ANLN: variants seen among roughly 807,000 people sequenced by gnomAD.
ANLN encodes the protein anillin.
A neutral mutation model predicts 135.1 loss-of-function variants in ANLN; 59 were observed. The ratio of observed to expected loss-of-function variants is 0.44; its 90% CI spans 0.35 to 0.54. ANLN has a LOEUF of 0.54. Ranked by LOEUF, ANLN falls within the 20% of genes least tolerant of loss-of-function variation. ANLN has a pLI of 0.00. For synonymous variants in ANLN, 406 were observed against 456.4 expected, an observed-to-expected ratio of 0.89 and a Z score of 1.41; for missense variants, 1,182 against 1,340.0, an observed-to-expected ratio of 0.88 and a Z score of 1.84.
In ANLN at chr7:36,425,996, C is replaced by CTT; in HGVS notation, c.2749-19_2749-18insTT. On this transcript the variant is annotated intron_variant, in intron 18 of 23. Transcript: ENST00000265748. ...AAATAACTTATGTTTCTTCTTCACA[C>CTT]CTTTTTTTTTTTTTTTAGAAAAGCA... is the stretch of plus-strand genomic sequence containing the variant. 1.4e-6 allele frequency: 2 copies of CTT among 1,458,096 alleles called. No individual in the cohort carries two copies. Among genetic ancestry groups the CTT allele is most frequent in the East Asian group, 2.4e-5 (1 of 41,962 alleles). The allele number at this position is 1,458,096 out of a possible 1,614,324, so 90.3% of individuals were successfully genotyped here. A position where few individuals can be genotyped will look rare whatever the true frequency, so the allele number is the denominator to read the frequency against.
At chr7:36,401,333 T>C (rs1786935674) in intron 3 of ANLN, among the ~76,000 whole-genome samples, 3 of 152,102 alleles carry the variant, frequency 2.0e-5, no homozygotes, top group Admixed American at 2.0e-4. Flanking sequence ...ACCTGCCTGA[T>C]GATTTTTTTG....
intron 20 of ANLN, among the ~76,000 whole-genome samples, chr7:36,430,663 G>A (rs779447446): frequency 9.9e-5 from 15 of 152,156 alleles, no homozygotes; most frequent in Admixed American, 6.5e-4. Flanking sequence ...GGATTATACA[G>A]TTTTGGGATT....
Position 36,424,440 on chromosome 7 carries a change from G to C in ANLN, c.2604-105G>C, listed in dbSNP as rs1787999190. On this transcript the variant is annotated intron_variant, in intron 15 of 23. Coordinates refer to ENST00000265748, the MANE Select transcript of ANLN (RefSeq NM_018685.5). ...AATTTTTATTGACTTTAAAGTCATA[G>C]TGGATTCCTTTACTTAGAGTCTTGT... The C allele has an allele frequency of 4.5e-6, 4 of 897,146 alleles. No homozygotes were observed. In the South Asian group the frequency reaches 9.1e-5, roughly 20 times the overall value. The allele number at this position is 897,146 out of a possible 1,614,324, so 55.6% of individuals were successfully genotyped here. A position where few individuals can be genotyped will look rare whatever the true frequency, so the allele number is the denominator to read the frequency against.
chr7:36,420,652 C>A lies in ANLN; in HGVS notation c.2071C>A (p.Gln691Lys). Residue 691 changes from glutamine (Q) to lysine (K), a missense_variant, in exon 12 of 24, where the codon CAG becomes AAG. Transcript: ENST00000265748. ...AGAAACAGAACGTCCATCAATAAAG[C>A]AGGTGATTGTTCGGAAGGAAGATGT... ...FKETERPSIK[Q>K]VIVRKEDVTS... is the part of the protein sequence containing the mutation. 4 of 1,612,974 alleles carry A rather than the reference C, an allele frequency of 2.5e-6. No individual in the cohort carries two copies. The highest frequency in any genetic ancestry group is 2.5e-6 in the Non-Finnish European group (3 of 1,179,042).
At chr7:36,409,151 C>G (rs1223428427) in intron 5 of ANLN, among the ~76,000 whole-genome samples, 1 of 152,194 alleles carries the variant, frequency 6.6e-6, no homozygotes, top group Non-Finnish European at 1.5e-5. Flanking sequence ...TTTCTAAAGA[C>G]TTAAGCTTAG....
intron 21 of ANLN, among the ~76,000 whole-genome samples, 155 bp from the exon 22 acceptor site, chr7:36,443,597 TTTA>T (rs1222068697): frequency 6.6e-6 from 1 of 152,188 alleles, no homozygotes; most frequent in African/African-American, 2.4e-5. Context: ...ATCAGTGATT[TTTA>T]TTATTAAGAT....
chr7:36,410,254 C>T (rs979643213), intron 5 of ANLN, among the ~76,000 whole-genome samples: 1 of 151,784 alleles, frequency 6.6e-6, no homozygotes, highest in Non-Finnish European at 1.5e-5. Context: ...GCCCTACTGC[C>T]CTCTCCTCAT....
intron 19 of ANLN, among the ~76,000 whole-genome samples, chr7:36,426,382 C>T (rs946349879): frequency 7.2e-5 from 11 of 152,144 alleles, no homozygotes; most frequent in African/African-American, 1.7e-4. Context: ...TCATAACTGG[C>T]GTTGTATCAT....
intron 1 of ANLN, chr7:36,390,297 C>G (rs1172141964): frequency 1.8e-6 from 1 of 561,718 alleles, no homozygotes; most frequent in Non-Finnish European, 3.1e-6. Context: ...AAGGCTGTTG[C>G]GAGAGGTCTT....
chr7:36,449,331 GC>G (rs1789149708), intron 22 of ANLN: 1 of 165,634 alleles, frequency 6.0e-6, no homozygotes, highest in African/African-American at 2.4e-5. Flanking sequence ...TAGATAAAAG[GC>G]ACTTGAGTGT....
chr7:36,418,306 G>C (rs1317402054), intron 9 of ANLN, among the ~76,000 whole-genome samples: 1 of 152,140 alleles, frequency 6.6e-6, no homozygotes, highest in African/African-American at 2.4e-5. Context: ...TGGGTGTGGG[G>C]GTCGTCTTAA....
At chr7:36,426,340 A>G (rs180724267) in intron 19 of ANLN, among the ~76,000 whole-genome samples, 40 of 152,196 alleles carry the variant, frequency 2.6e-4, no homozygotes, top group African/African-American at 9.4e-4. Context: ...TGCTTTCCAT[A>G]CTGCAGATTT....
At chr7:36,408,854 C>G (rs1339743501) in intron 5 of ANLN, among the ~76,000 whole-genome samples, 1 of 152,248 alleles carries the variant, frequency 6.6e-6, no homozygotes, top group Non-Finnish European at 1.5e-5. Context: ...TTCTGGCACA[C>G]TTCCACGTAC....
chr7:36,394,654 C>G (rs778589177), intron 1 of ANLN, among the ~76,000 whole-genome samples: 4 of 145,164 alleles, frequency 2.8e-5, no homozygotes, highest in Non-Finnish European at 4.5e-5. Context: ...GAGAGTGTGC[C>G]TTCTTTCAAA....
intron 4 of ANLN, among the ~76,000 whole-genome samples, chr7:36,407,420 A>T (rs891319146): frequency 2.6e-5 from 4 of 152,190 alleles, no homozygotes; most frequent in Non-Finnish European, 5.9e-5. Context: ...TAAAAATTTG[A>T]TAAAGGTACT....
At chr7:36,392,155 C>G (rs1786502021) in intron 1 of ANLN, among the ~76,000 whole-genome samples, 1 of 152,158 alleles carries the variant, frequency 6.6e-6, no homozygotes, top group Non-Finnish European at 1.5e-5. Flanking sequence ...TAAAATACTT[C>G]ACAGAAGCAT....
chr7:36,447,448 G>A (rs955998997), intron 22 of ANLN, among the ~76,000 whole-genome samples: 7 of 128,856 alleles, frequency 5.4e-5, no homozygotes, highest in Non-Finnish European at 9.5e-5. Flanking sequence ...TTTCTGAGAC[G>A]GAGTCTCGCT....
At chr7:36,431,201 G>A (rs1788295723) in intron 20 of ANLN, among the ~76,000 whole-genome samples, 1 of 152,112 alleles carries the variant, frequency 6.6e-6, no homozygotes, top group Non-Finnish European at 1.5e-5. Context: ...TTACAAAATA[G>A]GATGATGAGG....
chr7:36,450,015 G>A (rs1296827158), intron 23 of ANLN, among the ~76,000 whole-genome samples, 178 bp downstream of exon 23: 2 of 152,186 alleles, frequency 1.3e-5, no homozygotes, highest in Non-Finnish European at 2.9e-5. Context: ...AATTAATGTA[G>A]TTAAGGAAAG....
Sources: gnomAD v4.1 joint callset for allele counts (sites outside exome capture counted in the v4.1 genomes callset) on GRCh38, gnomAD v4.1.1 for gene constraint, MANE v1.5 for transcripts, NCBI Gene and HGNC (gene_info 2026-07-23, HGNC 2026-07-21) for gene names.